ATXN10: variants seen among roughly 807,000 people sequenced by gnomAD.
ATXN10 encodes the protein ataxin 10.
In ATXN10, 28 loss-of-function variants were observed where a neutral mutation model predicts 52.9. The ratio of observed to expected loss-of-function variants is 0.53; its 90% CI spans 0.39 to 0.73. ATXN10 has a LOEUF of 0.73. ATXN10 is among the 30% of genes least tolerant of loss of function. The pLI is 0.00. For missense variants in ATXN10, 565 were observed against 577.0 expected (o/e 0.98, Z 0.21); for synonymous variants, 226 against 221.5 (o/e 1.02, Z -0.18).
intron 1 of ATXN10, among the ~76,000 whole-genome samples, chr22:45,685,536 G>C (rs191869251): frequency 6.6e-6 from 1 of 152,292 alleles, no homozygotes; most frequent in African/African-American, 2.4e-5. Context: ...TGGAGTGATT[G>C]ATCTTTACTA....
In ATXN10 at chr22:45,686,801, A is replaced by G. The variant is rs185505553; in HGVS notation, c.117-2911A>G. On this transcript the variant is annotated intron_variant, in intron 1 of 11. Coordinates refer to ENST00000252934, the MANE Select transcript of ATXN10 (RefSeq NM_013236.4). Reference sequence around the variant, plus strand: ...GCTACTGCACTCCAGCCTGGGCAACAGAGCAAGACTCCATCTCAAAAAAAA... The same window carrying G: ...GCTACTGCACTCCAGCCTGGGCAACGGAGCAAGACTCCATCTCAAAAAAAA... Among the ~76,000 whole-genome samples, 904 of 144,068 alleles carry G rather than the reference A, an allele frequency of 6.3e-3. 7 individuals carry two copies. The highest frequency in any genetic ancestry group is 8.9e-3 in the Non-Finnish European group (594 of 66,632). The allele number at this position is 144,068 out of a possible 152,430, so 94.5% of individuals were successfully genotyped here. A position where few individuals can be genotyped will look rare whatever the true frequency, so the allele number is the denominator to read the frequency against.
intron 9 of ATXN10, among the ~76,000 whole-genome samples, chr22:45,758,260 C>T (rs1179402292): frequency 2.0e-5 from 3 of 152,202 alleles, no homozygotes; most frequent in African/African-American, 4.8e-5. Context: ...GCTGAGCCAG[C>T]GTGTGGAAAG....
chr22:45,747,839 C>T (rs539296342), intron 9 of ATXN10, among the ~76,000 whole-genome samples: 9 of 151,424 alleles, frequency 5.9e-5, no homozygotes, highest in South Asian at 2.1e-4. Context: ...CTAGTACTTT[C>T]GGAAGCCGAG....
rs1431170553 is a variant in ATXN10, at chr22:45,712,160, G to A, written c.648-6253G>A. Among the ~76,000 whole-genome samples, 3 of 152,160 alleles carry A rather than the reference G, an allele frequency of 2.0e-5. No individual in the cohort carries two copies. Among genetic ancestry groups the A allele is most frequent in the Admixed American group, 6.5e-5 (1 of 15,268 alleles). ...GGGGCAGTGCTGTTTGTTAGGGTGT[G>A]CAGTCAGGTGACCTCCCCTGGGGGC... On this transcript the variant is annotated intron_variant, in intron 5 of 11. Coordinates refer to ENST00000252934, the MANE Select transcript of ATXN10 (RefSeq NM_013236.4). This position sits in a 1 kb window ranked among gnomAD's most constrained non-coding sequence, Gnocchi z 4.6.
intron 7 of ATXN10, among the ~76,000 whole-genome samples, chr22:45,734,917 C>T (rs1421062558): frequency 2.3e-5 from 3 of 133,094 alleles, no homozygotes; most frequent in African/African-American, 9.3e-5. Flanking sequence ...TAGAGTCTTG[C>T]TCTGTTGCCC....
At chr22:45,804,695 G>T (rs918965622) in intron 9 of ATXN10, among the ~76,000 whole-genome samples, 1 of 152,122 alleles carries the variant, frequency 6.6e-6, no homozygotes, top group Non-Finnish European at 1.5e-5. Flanking sequence ...AGATTAATTT[G>T]TATGTTTTCA....
rs1383682377 is a variant in ATXN10 at position 45,818,679 on chromosome 22, G to T, written c.1237+11657G>T. Among the ~76,000 whole-genome samples the T allele has an allele frequency of 6.6e-6, 1 of 152,090 alleles. No individual in the cohort carries two copies. The highest frequency in any genetic ancestry group is 1.5e-5 in the Non-Finnish European group (1 of 68,024). On this transcript the variant is annotated intron_variant, in intron 10 of 11. Transcript: ENST00000252934. The surrounding 1 kb of genome is among the most constrained non-coding windows in gnomAD (Gnocchi z 4.6). Reference sequence around the variant, plus strand: ...TCATCACGCAGGAAGCTGTGTGAAAGAGGTGTGGGAAGCTGCTTCCCTGGA... The same window carrying T: ...TCATCACGCAGGAAGCTGTGTGAAATAGGTGTGGGAAGCTGCTTCCCTGGA...
Position 45,701,828 on chromosome 22 carries a change from T to C in ATXN10, c.489-861T>C, listed in dbSNP as rs1923853834. Among the ~76,000 whole-genome samples the C allele has an allele frequency of 6.6e-6, 1 of 152,202 alleles. No homozygotes were observed. Among genetic ancestry groups the C allele is most frequent in the Non-Finnish European group, 1.5e-5 (1 of 68,024 alleles). ...GTAATAGAAAAACAAGGGAGAGGCT[T>C]AAGTGTAGGTCAGTCAGAGAAGTCT... On this transcript the variant is annotated intron_variant, in intron 4 of 11. Coordinates refer to ENST00000252934, the MANE Select transcript of ATXN10 (RefSeq NM_013236.4). The surrounding 1 kb of genome is among the most constrained non-coding windows in gnomAD (Gnocchi z 4.2).
At chr22:45,806,863 C>G in intron 9 of ATXN10, 96 bp from the exon 10 acceptor site, 1 of 936,406 alleles carries the variant, frequency 1.1e-6, no homozygotes, top group Non-Finnish European at 1.7e-6. Flanking sequence ...AATATTATAA[C>G]ATTGAGTAAG....
rs1168331822 is a variant in ATXN10, at chr22:45,835,251, A to G, written c.1238-7740A>G. Among the ~76,000 whole-genome samples the G allele has an allele frequency of 1.3e-5, 2 of 152,132 alleles. No individual in the cohort carries two copies. The highest frequency in any genetic ancestry group is 2.9e-5 in the Non-Finnish European group (2 of 68,028). On this transcript the variant is annotated intron_variant, in intron 10 of 11. Transcript: ENST00000252934. The surrounding 1 kb of genome is among the most constrained non-coding windows in gnomAD (Gnocchi z 5.0). Reference sequence around the variant, plus strand: ...GTCCTGCTTTGCCTGGCGTGGGCTCATGGGTCCTGCTTTGCCTGGCGCGGG... The same window carrying G: ...GTCCTGCTTTGCCTGGCGTGGGCTCGTGGGTCCTGCTTTGCCTGGCGCGGG...
chr22:45,716,973 T>C (rs1601603914), intron 5 of ATXN10, among the ~76,000 whole-genome samples: 1 of 152,184 alleles, frequency 6.6e-6, no homozygotes, highest in East Asian at 1.9e-4. Flanking sequence ...GACCCACGCT[T>C]TTGGGTCCTG....
rs1283901504 is a variant in ATXN10 at position 45,790,441 on chromosome 22, AC to A, written c.1174-16514del. Among the ~76,000 whole-genome samples, 1 of 152,164 alleles carries A rather than the reference AC, an allele frequency of 6.6e-6. No individual in the cohort carries two copies. Among genetic ancestry groups the A allele is most frequent in the Non-Finnish European group, 1.5e-5 (1 of 68,036 alleles). On this transcript the variant is annotated intron_variant, in intron 9 of 11. Transcript: ENST00000252934. This position sits in a 1 kb window ranked among gnomAD's most constrained non-coding sequence, Gnocchi z 4.7. ...GCCAATTCCTGGTCTTCTAATAGTT[AC>A]CCCAAGCAAAAGTATGTCTCCAGAA...
chr22:45,771,636 C>T (rs751655405), intron 9 of ATXN10, among the ~76,000 whole-genome samples: 29 of 151,996 alleles, frequency 1.9e-4, no homozygotes, highest in Admixed American at 1.7e-3. Context: ...CGGCTGGTCT[C>T]GAACTCCTGA....
intron 8 of ATXN10, among the ~76,000 whole-genome samples, chr22:45,739,091 G>C (rs902568316): frequency 6.6e-6 from 1 of 152,162 alleles, no homozygotes; most frequent in African/African-American, 2.4e-5. Flanking sequence ...AACAATGCCT[G>C]TTATGCATAT....
chr22:45,733,890 T>C lies in ATXN10; in HGVS notation c.894+4300T>C, dbSNP rs1925185064. On this transcript the variant is annotated intron_variant, in intron 7 of 11. Transcript: ENST00000252934. The surrounding 1 kb of genome is among the most constrained non-coding windows in gnomAD (Gnocchi z 4.4). The stretch of plus-strand genomic sequence containing the variant: ...TGTATATACACACCTATATGTTTTT[T>C]GTTTTCATTTTTTGCACTATTCTTC... Among the ~76,000 whole-genome samples, 1 of 152,172 alleles carries C rather than the reference T, an allele frequency of 6.6e-6. No individual in the cohort carries two copies. The highest frequency in any genetic ancestry group is 2.4e-5 in the African/African-American group (1 of 41,446).
chr22:45,795,659 A>T lies in ATXN10; in HGVS notation c.1174-11300A>T, dbSNP rs1927709105. 6.6e-6 allele frequency among the ~76,000 whole-genome samples: 1 copy of T among 152,196 alleles called. No homozygotes were observed. Among genetic ancestry groups the T allele is most frequent in the African/African-American group, 2.4e-5 (1 of 41,456 alleles). Reference sequence around the variant, plus strand: ...CTGGCTGAAGCCATGGCAGAAGAACATAAATTGTTAAGATTTCATGGACAT... The same window carrying T: ...CTGGCTGAAGCCATGGCAGAAGAACTTAAATTGTTAAGATTTCATGGACAT... On this transcript the variant is annotated intron_variant, in intron 9 of 11. Transcript: ENST00000252934. The surrounding 1 kb of genome is among the most constrained non-coding windows in gnomAD (Gnocchi z 4.6).
chr22:45,734,530 ATTTT>A (rs199766625), intron 7 of ATXN10: 4 of 113,884 alleles, frequency 3.5e-5, no homozygotes, highest in South Asian at 2.7e-4. Context: ...TGGCCTCTGG[ATTTT>A]TTTTTTTTTT....
chr22:45,738,877 A>T (rs755194016), intron 8 of ATXN10, 38 bp downstream of exon 8: 2 of 1,531,876 alleles, frequency 1.3e-6, no homozygotes, highest in East Asian at 2.2e-5. Flanking sequence ...TTAGCTAAGA[A>T]ATCTTTGGCT....
Position 45,774,240 on chromosome 22 carries a change from C to T in ATXN10, c.1174-32719C>T, listed in dbSNP as rs1471484044. 1.3e-5 allele frequency among the ~76,000 whole-genome samples: 2 copies of T among 152,206 alleles called. No homozygotes were observed. Among genetic ancestry groups the T allele is most frequent in the Non-Finnish European group, 2.9e-5 (2 of 68,038 alleles). ...GCATTTCTGCTGGGGGAGTTTTTGGCCTCCATAACTCTGTGACTGTTGACC... is the reference window on the plus strand; with the variant it reads ...GCATTTCTGCTGGGGGAGTTTTTGGTCTCCATAACTCTGTGACTGTTGACC... On this transcript the variant is annotated intron_variant, in intron 9 of 11. Transcript: ENST00000252934. This position sits in a 1 kb window ranked among gnomAD's most constrained non-coding sequence, Gnocchi z 6.2.
Sources: gnomAD v4.1 joint callset for allele counts (sites outside exome capture counted in the v4.1 genomes callset) on GRCh38, gnomAD v4.1.1 for gene constraint, Gnocchi (gnomAD v3.1) non-coding constraint, MANE v1.5 for transcripts, NCBI Gene and HGNC (gene_info 2026-07-23, HGNC 2026-07-21) for gene names.